ROS1: variants seen among roughly 807,000 people sequenced by gnomAD.
The protein encoded by ROS1 is ROS proto-oncogene 1, receptor tyrosine kinase.
In ROS1, 263 loss-of-function variants were observed where a neutral mutation model predicts 273.5. That is an observed-to-expected ratio of 0.96 (90% CI 0.87 to 1.06). The LOEUF (loss-of-function observed/expected upper bound fraction) is 1.06, where lower values mean the gene tolerates loss of function less well. ROS1 is among the 50% of genes least tolerant of loss of function. The pLI is 0.00. For synonymous variants in ROS1, 1,008 were observed against 954.1 expected, an observed-to-expected ratio of 1.06 and a Z score of -1.04; for missense variants, 2,833 against 2,751.1, an observed-to-expected ratio of 1.03 and a Z score of -0.67.
chr6:117,331,145 A>G (rs894575737), intron 32 of ROS1, among the ~76,000 whole-genome samples: 2 of 152,200 alleles, frequency 1.3e-5, no homozygotes, highest in African/African-American at 4.8e-5. Context: ...AGAGGAACAC[A>G]AATGGCCTGA....
intron 8 of ROS1, 95 bp downstream of exon 8, chr6:117,396,820 G>T: frequency 1.1e-6 from 1 of 928,278 alleles, no homozygotes; most frequent in Non-Finnish European, 1.7e-6. Context: ...GCTTCTCAAA[G>T]CACATTTAAA....
At chr6:117,289,882 T>C (rs577265198) in intron 43 of ROS1, among the ~76,000 whole-genome samples, 41 of 152,328 alleles carry the variant, frequency 2.7e-4, no homozygotes, top group African/African-American at 9.4e-4. Context: ...TATGCACTAA[T>C]AGTCATTAAG....
chr6:117,313,198 C>G (rs1203545570), intron 39 of ROS1, among the ~76,000 whole-genome samples: 1 of 152,124 alleles, frequency 6.6e-6, no homozygotes, highest in Non-Finnish European at 1.5e-5. Flanking sequence ...AGCACATTTA[C>G]TACATATTTG....
At chr6:117,383,256 T>C in intron 17 of ROS1, 61 bp downstream of exon 17, 1 of 1,266,804 alleles carries the variant, frequency 7.9e-7, no homozygotes, top group African/African-American at 1.5e-5. Context: ...CGAGAGAAAG[T>C]ATTATCATAA....
intron 42 of ROS1, among the ~76,000 whole-genome samples, chr6:117,306,285 AT>A (rs1554221813): frequency 3.3e-5 from 5 of 152,020 alleles, no homozygotes; most frequent in Non-Finnish European, 7.4e-5. Context: ...AGGTGTACAT[AT>A]TTTTTTAAGA....
intron 43 of ROS1, among the ~76,000 whole-genome samples, chr6:117,297,458 A>T (rs1774330605): frequency 6.6e-6 from 1 of 152,212 alleles, no homozygotes; most frequent in African/African-American, 2.4e-5. Flanking sequence ...AATATTTGCA[A>T]AGTATTCACT....
chr6:117,399,756 A>G lies in ROS1; in HGVS notation c.605-2640T>C, dbSNP rs535673791. 2.6e-5 allele frequency among the ~76,000 whole-genome samples: 4 copies of G among 152,310 alleles called. No individual in the cohort carries two copies. In the South Asian group the frequency reaches 6.2e-4, roughly 24 times the overall value. On this transcript the variant is annotated intron_variant, in intron 7 of 43. Coordinates refer to ENST00000368507, the MANE Select transcript of ROS1 (RefSeq NM_001378902.1). ...TGGAAGTCACATCTTCAAAATAATAAGTCAGAGAATACCCCAATATATGTT... is the reference window on the plus strand; with the variant it reads ...TGGAAGTCACATCTTCAAAATAATAGGTCAGAGAATACCCCAATATATGTT...
chr6:117,322,213 A>C (rs1360638782), intron 35 of ROS1, among the ~76,000 whole-genome samples: 1 of 152,148 alleles, frequency 6.6e-6, no homozygotes, highest in African/African-American at 2.4e-5. Context: ...GAAGGGCTAC[A>C]CAGTGAAAGA....
chr6:117,361,172 G>A (rs1779771629), intron 22 of ROS1, among the ~76,000 whole-genome samples: 2 of 150,296 alleles, frequency 1.3e-5, no homozygotes, highest in South Asian at 4.2e-4. Context: ...ATTGGGCCAT[G>A]CCACATTCTA....
rs1780202910 is a variant in ROS1 at position 117,366,104 on chromosome 6, A to G, written c.2769T>C (p.Ile923=). 6.2e-7 allele frequency: 1 copy of G among 1,614,096 alleles called. No individual in the cohort carries two copies. The highest frequency in any genetic ancestry group is 1.1e-5 in the South Asian group (1 of 91,088). Residue 923 remains isoleucine (I), a synonymous_variant, in exon 19 of 44, where the codon ATT becomes ATC. Coordinates refer to ENST00000368507, the MANE Select transcript of ROS1 (RefSeq NM_001378902.1). ...GCAGGGGCTTAAGGGATGTCTGAATAATTGTGAACTGATTAAATCTGGCTG... is the reference window on the plus strand; with the variant it reads ...GCAGGGGCTTAAGGGATGTCTGAATGATTGTGAACTGATTAAATCTGGCTG... ...LEPARFNQFT[I]IQTSLKPLPG... is the part of the protein sequence containing the mutation.
intron 24 of ROS1, among the ~76,000 whole-genome samples, 164 bp downstream of exon 24, chr6:117,359,644 CA>C (rs907282236): frequency 6.6e-6 from 1 of 152,186 alleles, no homozygotes; most frequent in African/African-American, 2.4e-5. Flanking sequence ...GACATTTGCC[CA>C]AAATGTAGTC....
chr6:117,355,254 A>G (rs1441554934), intron 26 of ROS1, among the ~76,000 whole-genome samples: 1 of 152,226 alleles, frequency 6.6e-6, no homozygotes, highest in Admixed American at 6.5e-5. Flanking sequence ...AACAGAAACA[A>G]GTAATATAAC....
At chr6:117,296,247 A>T (rs1774232269) in intron 43 of ROS1, among the ~76,000 whole-genome samples, 1 of 152,116 alleles carries the variant, frequency 6.6e-6, no homozygotes, top group Non-Finnish European at 1.5e-5. Context: ...AAAAAAATAC[A>T]AAAATTAGCC....
At position 117,389,782 on chromosome 6, in the gene ROS1, A is replaced by C; in HGVS notation, c.1354T>G (p.Cys452Gly). 6.2e-7 allele frequency: 1 copy of C among 1,614,144 alleles called. No individual in the cohort carries two copies. The highest frequency in any genetic ancestry group is 8.5e-7 in the Non-Finnish European group (1 of 1,179,998). Residue 452 changes from cysteine (C) to glycine (G), a missense_variant, in exon 13 of 44, where the codon TGT (cysteine) becomes GGT (glycine). Cys to Gly is a radical substitution (Grantham distance 159, BLOSUM62 -3). Transcript: ENST00000368507. Reference protein sequence around the residue: ...RADLPVPSGRCAEAVRIVESC... With the variant: ...RADLPVPSGRGAEAVRIVESC... Reference sequence around the variant, plus strand: ...TCCACAATACGCACAGCTTCTGCACACCGGCCAGATGGTACAGGAAGGTCT... The same window carrying C: ...TCCACAATACGCACAGCTTCTGCACCCCGGCCAGATGGTACAGGAAGGTCT...
chr6:117,302,654 G>T (rs1774823092), intron 42 of ROS1, among the ~76,000 whole-genome samples: 1 of 152,210 alleles, frequency 6.6e-6, no homozygotes, highest in Non-Finnish European at 1.5e-5. Context: ...CCCACAGGGT[G>T]CTACTTGGCA....
At chr6:117,397,465 G>A (rs1472375503) in intron 7 of ROS1, among the ~76,000 whole-genome samples, 6 of 152,128 alleles carry the variant, frequency 3.9e-5, no homozygotes, top group Admixed American at 3.9e-4. Context: ...GGAAGAAGAG[G>A]AGAGTCTGAC....
chr6:117,393,888 T>A (rs1007834405), intron 11 of ROS1, among the ~76,000 whole-genome samples: 21 of 152,212 alleles, frequency 1.4e-4, no homozygotes, highest in Non-Finnish European at 3.1e-4. Context: ...GTACCACCAC[T>A]ATCTTATAGA....
At chr6:117,422,925 T>C (rs1471610570) in intron 1 of ROS1, among the ~76,000 whole-genome samples, 1 of 152,046 alleles carries the variant, frequency 6.6e-6, no homozygotes, top group Non-Finnish European at 1.5e-5. Context: ...TTGAATGGAA[T>C]CCATTCAATA....
chr6:117,343,290 T>A (rs180778840), intron 28 of ROS1, among the ~76,000 whole-genome samples: 117 of 152,226 alleles, frequency 7.7e-4, no homozygotes, highest in African/African-American at 2.7e-3. Flanking sequence ...TAGACAAAAT[T>A]AAGGAAGGAA....
Sources: allele counts gnomAD v4.1 joint callset (sites outside exome capture counted in the v4.1 genomes callset), GRCh38; gene constraint gnomAD v4.1.1; transcripts MANE v1.5; gene names NCBI Gene and HGNC (gene_info 2026-07-23, HGNC 2026-07-21).